Variants in P2RY6 observed in about 807,000 individuals in gnomAD.
P2RY6 encodes pyrimidinergic receptor P2Y6, also known as P2Y purinoceptor 6.
P2RY6 carries 19 observed loss-of-function variants against 16.3 expected under a neutral mutation model. The ratio of observed to expected loss-of-function variants is 1.16; its 90% CI spans 0.81 to 1.71. The LOEUF (loss-of-function observed/expected upper bound fraction) is 1.71. Ranked by LOEUF, P2RY6 falls within the 40% of genes most tolerant of loss-of-function variation. P2RY6 has a pLI of 0.00. For synonymous variants in P2RY6, 184 were observed against 201.5 expected (o/e 0.91, Z 0.74); for missense variants, 389 against 455.5 (o/e 0.85, Z 1.33).
Position 73,297,305 on chromosome 11 carries a change from C to G in P2RY6, c.787C>G (p.Leu263Val), listed in dbSNP as rs1484357534. 2 of 1,609,784 alleles carry G rather than the reference C, an allele frequency of 1.2e-6. No homozygotes were observed. Among genetic ancestry groups the G allele is most frequent in the Non-Finnish European group, 1.7e-6 (2 of 1,178,726 alleles). The stretch of plus-strand genomic sequence containing the variant: ...TTTTCACATCACCAAGACAGCCTAC[C>G]TGGCAGTGCGCTCGACGCCGGGCGT... The part of the protein sequence containing the change: ...LPFHITKTAY[L>V]AVRSTPGVPC... Residue 263 changes from leucine to valine, a missense_variant, in exon 3 of 3, where the codon CTG becomes GTG. Leu to Val is a conservative substitution (Grantham distance 32). Coordinates refer to ENST00000540124, the MANE Select transcript of P2RY6 (RefSeq NM_001277204.2).
intron 1 of P2RY6, among the ~76,000 whole-genome samples, chr11:73,273,863 G>A (rs1863421736): frequency 6.6e-6 from 1 of 152,068 alleles, no homozygotes; most frequent in Admixed American, 6.6e-5. Context: ...TTAAGATAGA[G>A]TCTTGCTCTG....
At chr11:73,269,101 C>T (rs763303202), upstream of P2RY6, among the ~76,000 whole-genome samples, 1 of 152,136 alleles carries the variant, frequency 6.6e-6, no homozygotes, top group Non-Finnish European at 1.5e-5. Context: ...GGGGGTAGGA[C>T]GTGAAGGTCA....
chr11:73,296,866 C>CCTCACCT lies in P2RY6; in HGVS notation c.349_355dup (p.Cys119SerfsTer57), dbSNP rs759822907. On this transcript the variant is annotated frameshift_variant, in exon 3 of 3. Coordinates refer to ENST00000540124, the MANE Select transcript of P2RY6 (RefSeq NM_001277204.2). LOFTEE classifies it high-confidence loss of function. ...CCAACCTGCACGGCAGCATCCTCTT[C>CCTCACCT]CTCACCTGCATCAGCTTCCAGCGCT... is the stretch of plus-strand genomic sequence containing the variant. 1.9e-6 allele frequency: 3 copies of CCTCACCT among 1,610,820 alleles called. No homozygotes were observed. In the South Asian group the frequency reaches 3.3e-5, roughly 18 times the overall value.
intron 1 of P2RY6, among the ~76,000 whole-genome samples, chr11:73,280,277 A>T (rs1179817901): frequency 6.6e-6 from 1 of 152,202 alleles, no homozygotes; most frequent in Non-Finnish European, 1.5e-5. Flanking sequence ...CACCAGAAGT[A>T]TAAAATGAAA....
rs1864570474 is a variant in P2RY6, at chr11:73,297,646, C to T, written c.*141C>T. 5.9e-6 allele frequency: 4 copies of T among 682,838 alleles called. No homozygotes were observed. Among genetic ancestry groups the T allele is most frequent in the Admixed American group, 2.9e-5 (1 of 34,134 alleles). The allele number at this position is 682,838 out of a possible 1,614,324, so 42.3% of individuals were successfully genotyped here. On this transcript the variant is annotated 3_prime_UTR_variant, in exon 3 of 3. Transcript: ENST00000540124. The stretch of plus-strand genomic sequence containing the variant: ...AGATCCCTCACAGGACCCAGAAGCT[C>T]ACCAAAAACTATTTCTTCAGCCCCT...
At chr11:73,272,552 C>T (rs1863357421) in intron 1 of P2RY6, 86 bp downstream of exon 1, 9 of 972,548 alleles carry the variant, frequency 9.3e-6, no homozygotes, top group Non-Finnish European at 1.1e-5. Context: ...CCACTTGCAG[C>T]CACCGAGGCT....
upstream of P2RY6, chr11:73,271,414 G>A (rs1018710824): frequency 6.6e-6 from 1 of 152,236 alleles, no homozygotes; most frequent in African/African-American, 2.4e-5. Flanking sequence ...GAGCTCGTCA[G>A]GTGCTCAACT....
At chr11:73,279,240 G>T (rs1863661711) in intron 1 of P2RY6, among the ~76,000 whole-genome samples, 1 of 152,010 alleles carries the variant, frequency 6.6e-6, no homozygotes, top group Admixed American at 6.6e-5. Context: ...TGTTTAGTTT[G>T]TAGGAGTTCT....
chr11:73,283,384 A>G (rs1228987342), intron 1 of P2RY6, among the ~76,000 whole-genome samples: 5 of 152,236 alleles, frequency 3.3e-5, no homozygotes, highest in South Asian at 4.1e-4. Flanking sequence ...CCTGCTACAC[A>G]GATGTCCTGG....
chr11:73,297,526 C>T lies in P2RY6; in HGVS notation c.*21C>T, dbSNP rs780236031. ...GCTGAGTCCTCCAGGTCCTGGGCAG[C>T]CTTCATATTTGCCATTGTGTCCGGG... On this transcript the variant is annotated 3_prime_UTR_variant, in exon 3 of 3. Coordinates refer to ENST00000540124, the MANE Select transcript of P2RY6 (RefSeq NM_001277204.2). 1 of 1,584,472 alleles carries T rather than the reference C, an allele frequency of 6.3e-7. No individual in the cohort carries two copies. Among genetic ancestry groups the T allele is most frequent in the South Asian group, 1.1e-5 (1 of 89,340 alleles).
intron 1 of P2RY6, among the ~76,000 whole-genome samples, chr11:73,267,013 C>G (rs1863127778): frequency 6.6e-6 from 1 of 152,162 alleles, no homozygotes; most frequent in South Asian, 2.1e-4. Flanking sequence ...CCTTTAATCC[C>G]CAATTCTGGC....
chr11:73,267,095 A>T (rs1314059742), intron 1 of P2RY6, among the ~76,000 whole-genome samples: 2 of 152,216 alleles, frequency 1.3e-5, no homozygotes, highest in African/African-American at 4.8e-5. Context: ...GAAGTCTACA[A>T]TTCGAACTCC....
intron 1 of P2RY6, among the ~76,000 whole-genome samples, chr11:73,290,353 A>AAG (rs1159993450): frequency 8.0e-6 from 1 of 125,258 alleles, no homozygotes; most frequent in Admixed American, 7.7e-5. Flanking sequence ...GAAAGAAAGA[A>AAG]AGAAAGAAAG....
At chr11:73,269,776 G>C (rs1863227515), upstream of P2RY6, 1 of 152,250 alleles carries the variant, frequency 6.6e-6, no homozygotes, top group Non-Finnish European at 1.5e-5. Flanking sequence ...GCCTGACTGG[G>C]GTTGGTGGCT....
intron 1 of P2RY6, among the ~76,000 whole-genome samples, chr11:73,274,505 G>A (rs1404291003): frequency 2.7e-5 from 4 of 145,772 alleles, no homozygotes; most frequent in Non-Finnish European, 4.4e-5. Context: ...TCATACCACT[G>A]CACTCCAGCC....
chr11:73,295,867 G>C (rs893664551), intron 2 of P2RY6, 52 bp downstream of exon 2: 1 of 765,958 alleles, frequency 1.3e-6, no homozygotes, highest in Non-Finnish European at 1.6e-6. Context: ...GCCCTTTTCC[G>C]CCCCAGACCC....
intron 1 of P2RY6, chr11:73,265,463 G>A (rs541407404): frequency 1.1e-4 from 16 of 152,314 alleles, no homozygotes; most frequent in African/African-American, 3.6e-4. Context: ...TCAAGTCTTG[G>A]AGGTAAGCTG....
rs952242267 is a variant in P2RY6 at position 73,272,353 on chromosome 11, C to T, written c.-234C>T. ...CTGCCTCTCCAGACTTCTGCCAGAA[C>T]ATTGCACGCGACAGTTTCAGGCACA... is the stretch of plus-strand genomic sequence containing the variant. On this transcript the variant is annotated 5_prime_UTR_variant, in exon 1 of 3. Transcript: ENST00000540124. 2 of 985,530 alleles carry T rather than the reference C, an allele frequency of 2.0e-6. No individual in the cohort carries two copies. The highest frequency in any genetic ancestry group is 2.4e-6 in the Non-Finnish European group (2 of 829,970). 61.0% of individuals were successfully genotyped at this position (985,530 alleles called of 1,614,324 possible).
At chr11:73,287,921 C>T (rs1169556135) in intron 1 of P2RY6, among the ~76,000 whole-genome samples, 1 of 152,204 alleles carries the variant, frequency 6.6e-6, no homozygotes. Flanking sequence ...TCACCGGGGG[C>T]TGCCCTGTCA....
Sources: allele counts gnomAD v4.1 joint callset (sites outside exome capture counted in the v4.1 genomes callset), GRCh38; gene constraint gnomAD v4.1.1; transcripts MANE v1.5; gene names NCBI Gene and HGNC (gene_info 2026-07-23, HGNC 2026-07-21).